Variants in GPC6 observed in about 807,000 individuals in gnomAD.
GPC6 encodes the protein glypican-6.
GPC6 carries 14 observed loss-of-function variants against 55.2 expected under a neutral mutation model. The ratio of observed to expected loss-of-function variants is 0.25; its 90% CI spans 0.17 to 0.40. The LOEUF (loss-of-function observed/expected upper bound fraction) is 0.40. Ranked by LOEUF, GPC6 falls within the 10% of genes least tolerant of loss-of-function variation. The probability of loss-of-function intolerance (pLI) is 1.00; values close to 1 mark genes in which losing one functional copy is unlikely to be tolerated. For synonymous variants in GPC6, 278 were observed against 259.6 expected, an observed-to-expected ratio of 1.07 and a Z score of -0.68; for missense variants, 641 against 708.5, an observed-to-expected ratio of 0.90 and a Z score of 1.08.
chr13:94,278,545 C>G (rs1376052423), intron 4 of GPC6, among the ~76,000 whole-genome samples: 3 of 152,124 alleles, frequency 2.0e-5, no homozygotes, highest in Non-Finnish European at 4.4e-5. Context: ...CAACGTTTGC[C>G]CATTCAATAT....
chr13:94,035,893 G>A (rs1400799072), intron 4 of GPC6, among the ~76,000 whole-genome samples: 1 of 151,850 alleles, frequency 6.6e-6, no homozygotes, highest in Non-Finnish European at 1.5e-5. Flanking sequence ...TTATATTTGA[G>A]TCATTTTTGA....
At chr13:94,041,535 CTTT>C (rs1464151160) in intron 4 of GPC6, among the ~76,000 whole-genome samples, 2 of 151,762 alleles carry the variant, frequency 1.3e-5, no homozygotes, top group Non-Finnish European at 2.9e-5. Context: ...TAAGAATGAG[CTTT>C]AATTAGTATG....
At chr13:93,828,693 A>G (rs1194396443) in intron 2 of GPC6, among the ~76,000 whole-genome samples, 1 of 152,176 alleles carries the variant, frequency 6.6e-6, no homozygotes, top group Non-Finnish European at 1.5e-5. Flanking sequence ...CTGCCACTGT[A>G]GCAACAGAAT....
At chr13:93,261,040 T>C (rs558762556) in intron 1 of GPC6, among the ~76,000 whole-genome samples, 1 of 152,282 alleles carries the variant, frequency 6.6e-6, no homozygotes, top group South Asian at 2.1e-4. Context: ...TAATACCAGA[T>C]AATTTTTCCA....
intron 2 of GPC6, among the ~76,000 whole-genome samples, chr13:93,716,788 T>A (rs549089318): frequency 2.6e-5 from 4 of 151,794 alleles, no homozygotes; most frequent in Non-Finnish European, 4.4e-5. Context: ...CATTCACTCA[T>A]ACCTCAATCA....
At chr13:93,835,775 T>C (rs1887710135) in intron 3 of GPC6, among the ~76,000 whole-genome samples, 1 of 152,042 alleles carries the variant, frequency 6.6e-6, no homozygotes, top group Non-Finnish European at 1.5e-5. Flanking sequence ...AATAAATAAA[T>C]TTAAAAATTT....
intron 1 of GPC6, among the ~76,000 whole-genome samples, chr13:93,461,483 A>G (rs2049868794): frequency 1.3e-5 from 2 of 152,168 alleles, no homozygotes; most frequent in Admixed American, 6.5e-5. Flanking sequence ...CAATTCACTG[A>G]TTTCCAAAAG....
chr13:93,561,538 G>A (rs186354538), intron 2 of GPC6, among the ~76,000 whole-genome samples: 2 of 151,428 alleles, frequency 1.3e-5, no homozygotes, highest in Admixed American at 6.6e-5. Context: ...AATAGGGCTG[G>A]TATTGGGAAA....
At chr13:93,489,170 G>A (rs1879853085) in intron 1 of GPC6, among the ~76,000 whole-genome samples, 1 of 151,506 alleles carries the variant, frequency 6.6e-6, no homozygotes. Context: ...AAAGGATCCA[G>A]TTTCAGCTTT....
At chr13:93,317,546 C>T (rs1217504295) in intron 1 of GPC6, among the ~76,000 whole-genome samples, 1 of 152,086 alleles carries the variant, frequency 6.6e-6, no homozygotes, top group Non-Finnish European at 1.5e-5. Flanking sequence ...ATGAGATATG[C>T]TTTTCTGTTT....
intron 2 of GPC6, among the ~76,000 whole-genome samples, chr13:93,674,221 G>A (rs1881487366): frequency 1.3e-5 from 2 of 152,120 alleles, no homozygotes; most frequent in Admixed American, 6.6e-5. Flanking sequence ...CACTATTGGA[G>A]GGGTAAAGGT....
At chr13:94,176,413 G>A (rs1888771540) in intron 4 of GPC6, among the ~76,000 whole-genome samples, 1 of 152,160 alleles carries the variant, frequency 6.6e-6, no homozygotes, top group East Asian at 1.9e-4. Flanking sequence ...AAGGTGAAAG[G>A]AACTCATAGA....
At chr13:93,843,355 T>C (rs1888029900) in intron 3 of GPC6, among the ~76,000 whole-genome samples, 1 of 152,180 alleles carries the variant, frequency 6.6e-6, no homozygotes, top group South Asian at 2.1e-4. Context: ...TGGAATTTAC[T>C]GATCACTTTA....
chr13:93,403,659 G>T (rs1876177106), intron 1 of GPC6, among the ~76,000 whole-genome samples: 1 of 152,160 alleles, frequency 6.6e-6, no homozygotes, highest in South Asian at 2.1e-4. Flanking sequence ...CATCTCTGCT[G>T]ACCACTTTCT....
At chr13:93,269,186 CA>C (rs1391169252) in intron 1 of GPC6, among the ~76,000 whole-genome samples, 1 of 152,120 alleles carries the variant, frequency 6.6e-6, no homozygotes, top group Non-Finnish European at 1.5e-5. Context: ...ATATTATTTT[CA>C]GAGTGATTAT....
chr13:94,136,440 G>A (rs751823817), intron 4 of GPC6, among the ~76,000 whole-genome samples: 6 of 152,206 alleles, frequency 3.9e-5, no homozygotes, highest in Non-Finnish European at 7.3e-5. Flanking sequence ...GCTGGGCGCG[G>A]TGGCTCACGC....
intron 1 of GPC6, among the ~76,000 whole-genome samples, chr13:93,484,692 A>G (rs1049643749): frequency 6.6e-6 from 1 of 152,140 alleles, no homozygotes; most frequent in Non-Finnish European, 1.5e-5. Flanking sequence ...AATTTCTTGT[A>G]GTCTATTAAA....
At chr13:94,061,935 T>C (rs1453219951) in intron 4 of GPC6, among the ~76,000 whole-genome samples, 1 of 152,178 alleles carries the variant, frequency 6.6e-6, no homozygotes, top group Non-Finnish European at 1.5e-5. Flanking sequence ...CTGTAGAGTT[T>C]CTCTGGATGA....
rs144594077 is a variant in GPC6 at position 93,734,263 on chromosome 13, A to G, written c.320-95891A>G. The stretch of plus-strand genomic sequence containing the variant: ...GTCATTAAAATCGCTTTGAATTTGT[A>G]CTACTTTTGTTGGTAATTAAAACGT... On this transcript the variant is annotated intron_variant, in intron 2 of 8. Coordinates refer to ENST00000377047, the MANE Select transcript of GPC6 (RefSeq NM_005708.5). 2.0e-4 allele frequency among the ~76,000 whole-genome samples: 30 copies of G among 152,304 alleles called. 2 individuals are homozygous for G. The East Asian group carries it at 5.8e-3, about 29-fold the overall frequency.
Sources: allele counts gnomAD v4.1 joint callset (sites outside exome capture counted in the v4.1 genomes callset), GRCh38; gene constraint gnomAD v4.1.1; transcripts MANE v1.5; gene names NCBI Gene and HGNC (gene_info 2026-07-23, HGNC 2026-07-21).